SENP6: variants seen among roughly 807,000 people sequenced by gnomAD.
SENP6 encodes SUMO specific peptidase 6.
Under a neutral mutation model 134.5 loss-of-function variants are expected in SENP6, and 41 were observed. That is an observed-to-expected ratio of 0.30 (90% confidence interval 0.24 to 0.40). SENP6 has a LOEUF of 0.40. SENP6 is among the 10% of genes least tolerant of loss of function. The probability of loss-of-function intolerance (pLI) is 1.00; values close to 1 mark genes in which losing one functional copy is unlikely to be tolerated. For missense variants in SENP6, 1,248 were observed against 1,312.5 expected, an observed-to-expected ratio of 0.95 and a Z score of 0.76; for synonymous variants, 395 against 429.8, an observed-to-expected ratio of 0.92 and a Z score of 1.00.
chr6:75,630,150 A>G (rs1198368594), intron 3 of SENP6, among the ~76,000 whole-genome samples: 2 of 151,566 alleles, frequency 1.3e-5, no homozygotes, highest in Non-Finnish European at 2.9e-5. Flanking sequence ...GCTCACTGCA[A>G]CTTCTGCCTC....
chr6:75,711,448 A>G (rs1302686824), intron 21 of SENP6, 32 bp downstream of exon 21: 9 of 1,413,502 alleles, frequency 6.4e-6, no homozygotes, highest in African/African-American at 2.9e-5. Flanking sequence ...TGAAAACTAC[A>G]TAATTTTTAA....
chr6:75,616,356 CTT>C (rs1278414341), intron 1 of SENP6, among the ~76,000 whole-genome samples: 6 of 152,150 alleles, frequency 3.9e-5, no homozygotes, highest in Admixed American at 3.9e-4. Flanking sequence ...TTAAAAATCT[CTT>C]TTCTTTTTAT....
intron 17 of SENP6, 151 bp from the exon 18 acceptor site, chr6:75,697,274 A>G (rs924369207): frequency 7.0e-6 from 4 of 570,238 alleles, no homozygotes; most frequent in Non-Finnish European, 1.2e-5. Context: ...TTTCCATCCA[A>G]CAAGTTCTAT....
chr6:75,659,374 T>C lies in SENP6; in HGVS notation c.663T>C (p.Ser221=). 6.2e-7 allele frequency: 1 copy of C among 1,609,618 alleles called. No homozygotes were observed. The highest frequency in any genetic ancestry group is 1.1e-5 in the South Asian group (1 of 90,346). Residue 221 remains serine, a synonymous_variant, in exon 8 of 24, where the codon TCT becomes TCC. Transcript: ENST00000447266. ...CSTYQPTPPL[S]PASKKCLTHL... ...CCTATCAGCCTACTCCTCCTCTATC[T>C]CCTGCTTCAAAAAAATGTTTAACCC... is the stretch of plus-strand genomic sequence containing the variant.
chr6:75,613,459 T>C (rs526908), intron 1 of SENP6, among the ~76,000 whole-genome samples: 148,909 of 152,200 alleles, frequency 0.98, 72,933 homozygotes, highest in East Asian at 1. Flanking sequence ...CCTAGAGAAA[T>C]ATACATGCAC....
At chr6:75,688,504 C>G (rs991269174) in intron 16 of SENP6, among the ~76,000 whole-genome samples, 5 of 152,198 alleles carry the variant, frequency 3.3e-5, no homozygotes, top group South Asian at 2.1e-4. Flanking sequence ...CAGACCGGAG[C>G]TATTCCTATT....
chr6:75,622,166 T>C (rs1433379668), intron 2 of SENP6, among the ~76,000 whole-genome samples: 1 of 152,234 alleles, frequency 6.6e-6, no homozygotes, highest in East Asian at 1.9e-4. Context: ...TTCATTACAC[T>C]TTGTTAATCT....
At chr6:75,622,701 G>T in intron 2 of SENP6, 1 of 948,686 alleles carries the variant, frequency 1.1e-6, no homozygotes, top group South Asian at 1.4e-5. Context: ...ATATGTTAAA[G>T]AAATTTTTAT....
At position 75,713,661 on chromosome 6, in the gene SENP6, A is replaced by G; in HGVS notation, c.2979-14A>G. ...ATATATGTGTGTATTCTTAATATATATGAATTATTGCAGGTATTTAGAAGT... is the reference window on the plus strand; with the variant it reads ...ATATATGTGTGTATTCTTAATATATGTGAATTATTGCAGGTATTTAGAAGT... On this transcript the variant is annotated splice_polypyrimidine_tract_variant and intron_variant, in intron 22 of 23. Coordinates refer to ENST00000447266, the MANE Select transcript of SENP6 (RefSeq NM_015571.4). 1 of 1,603,178 alleles carries G rather than the reference A, an allele frequency of 6.2e-7. No homozygotes were observed. Among genetic ancestry groups the G allele is most frequent in the Non-Finnish European group, 8.5e-7 (1 of 1,171,288 alleles).
intron 9 of SENP6, 50 bp from the exon 10 acceptor site, chr6:75,666,662 A>C: frequency 1.1e-6 from 1 of 926,138 alleles, no homozygotes; most frequent in Non-Finnish European, 1.4e-6. Flanking sequence ...GAAATATAAA[A>C]TTATAACTAT....
intron 5 of SENP6, among the ~76,000 whole-genome samples, chr6:75,640,017 C>T (rs938003136): frequency 6.6e-6 from 1 of 152,084 alleles, no homozygotes; most frequent in Non-Finnish European, 1.5e-5. Context: ...GAAGTTGTTT[C>T]TGAATTTGCT....
intron 3 of SENP6, among the ~76,000 whole-genome samples, chr6:75,630,317 G>C (rs1322193506): frequency 1.3e-5 from 2 of 152,046 alleles, no homozygotes; most frequent in African/African-American, 2.4e-5. Flanking sequence ...TGATCCATCA[G>C]CCTCGACCTC....
rs1771593695 is a variant in SENP6 at position 75,659,293 on chromosome 6, A to G, written c.582A>G (p.Glu194=). ...TAATGAAGAAAACAGAAGAGTCCGAATCACAAGTGGAGCCTGAAATTAAGA... is the reference window on the plus strand; with the variant it reads ...TAATGAAGAAAACAGAAGAGTCCGAGTCACAAGTGGAGCCTGAAATTAAGA... The part of the protein sequence containing the change: ...ERIMKKTEES[E]SQVEPEIKRK... Residue 194 remains glutamate (E), a synonymous_variant, in exon 8 of 24, where the codon GAA becomes GAG. Transcript: ENST00000447266. The G allele has an allele frequency of 6.2e-7, 1 of 1,612,648 alleles. No individual in the cohort carries two copies.
At chr6:75,683,012 A>C (rs1773572509) in intron 16 of SENP6, among the ~76,000 whole-genome samples, 1 of 152,100 alleles carries the variant, frequency 6.6e-6, no homozygotes, top group South Asian at 2.1e-4. Context: ...ACTAATTTAC[A>C]CTCCCACCAA....
At chr6:75,661,656 C>G (rs1348469336) in intron 8 of SENP6, among the ~76,000 whole-genome samples, 1 of 152,212 alleles carries the variant, frequency 6.6e-6, no homozygotes, top group African/African-American at 2.4e-5. Context: ...AGAATTGTAG[C>G]CAGCCTCTAT....
chr6:75,679,059 G>C, intron 16 of SENP6, 132 bp downstream of exon 16: 2 of 568,720 alleles, frequency 3.5e-6, no homozygotes, highest in South Asian at 4.5e-5. Flanking sequence ...CATTTGGGGA[G>C]TTATTTTTTC....
intron 23 of SENP6, 145 bp from the exon 24 acceptor site, chr6:75,715,240 A>G (rs1009228449): frequency 1.3e-5 from 8 of 637,738 alleles, no homozygotes; most frequent in Non-Finnish European, 2.2e-5. Flanking sequence ...TACCTAACAC[A>G]GTACTTGGCA....
intron 13 of SENP6, 100 bp downstream of exon 13, chr6:75,676,154 G>A (rs1024414754): frequency 3.6e-5 from 24 of 674,858 alleles, no homozygotes; most frequent in Non-Finnish European, 5.5e-5. Context: ...AGATGCCTTA[G>A]GTGTATATTA....
At chr6:75,649,406 A>G (rs1391299703) in intron 7 of SENP6, among the ~76,000 whole-genome samples, 2 of 152,240 alleles carry the variant, frequency 1.3e-5, no homozygotes, top group Non-Finnish European at 2.9e-5. Context: ...TGTTACCAAT[A>G]ATTTTTAAAG....
Sources: allele counts gnomAD v4.1 joint callset (sites outside exome capture counted in the v4.1 genomes callset), GRCh38; gene constraint gnomAD v4.1.1; transcripts MANE v1.5; gene names NCBI Gene and HGNC (gene_info 2026-07-23, HGNC 2026-07-21).